Variants in TRAPPC9 observed in about 807,000 individuals in gnomAD.
The protein encoded by TRAPPC9 is IKK2 binding protein.
TRAPPC9 carries 83 observed loss-of-function variants against 124.0 expected under a neutral mutation model. The ratio of observed to expected loss-of-function variants is 0.67; its 90% CI spans 0.56 to 0.80. The LOEUF (loss-of-function observed/expected upper bound fraction) is 0.80, where lower values mean the gene tolerates loss of function less well. Among genes scored for constraint, TRAPPC9 ranks in the 30% least tolerant of loss-of-function variants. TRAPPC9 has a pLI of 0.00. For missense variants in TRAPPC9, 1,302 were observed against 1,508.3 expected, an observed-to-expected ratio of 0.86 and a Z score of 2.27; for synonymous variants, 638 against 617.5, an observed-to-expected ratio of 1.03 and a Z score of -0.49.
At chr8:139,736,558 C>A (rs1220234099) in intron 21 of TRAPPC9, among the ~76,000 whole-genome samples, 5 of 152,184 alleles carry the variant, frequency 3.3e-5, no homozygotes, top group African/African-American at 9.7e-5. Flanking sequence ...CGGGGCAGAG[C>A]AGAGGTCTGT....
chr8:139,967,587 G>A (rs1185792102), intron 19 of TRAPPC9, among the ~76,000 whole-genome samples: 2 of 152,226 alleles, frequency 1.3e-5, no homozygotes, highest in African/African-American at 4.8e-5. Flanking sequence ...TGCTGTGCAG[G>A]ACATGTGCAC....
chr8:139,988,670 G>A (rs769984876), intron 19 of TRAPPC9, 56 bp downstream of exon 19: 186 of 1,182,010 alleles, frequency 1.6e-4, no homozygotes, highest in Non-Finnish European at 2.1e-4. Context: ...CTCCCAAGCA[G>A]CGTGGTGAAG....
chr8:140,350,597 C>A lies in TRAPPC9; in HGVS notation c.1495+9453G>T, dbSNP rs187900992. ...GTTAAGACTGGGAAACGCAAAGCGG[C>A]GGGTATGATGCAGAAGAGCCGGGGG... On this transcript the variant is annotated intron_variant, in intron 9 of 22. Transcript: ENST00000438773. 8.8e-4 allele frequency among the ~76,000 whole-genome samples: 134 copies of A among 151,904 alleles called. 1 individual carries two copies. The highest frequency in any genetic ancestry group is 1.2e-3 in the Non-Finnish European group (79 of 67,976).
At chr8:139,803,345 A>G (rs1430538314) in intron 21 of TRAPPC9, among the ~76,000 whole-genome samples, 1 of 152,242 alleles carries the variant, frequency 6.6e-6, no homozygotes, top group Non-Finnish European at 1.5e-5. Context: ...CCTGCCCTCC[A>G]GCCCCGTGGG....
At chr8:140,318,796 G>A (rs1248012946) in intron 9 of TRAPPC9, among the ~76,000 whole-genome samples, 4 of 152,308 alleles carry the variant, frequency 2.6e-5, no homozygotes, top group Admixed American at 1.3e-4. Flanking sequence ...CAGCAATAAA[G>A]TTTAATGGGC....
At chr8:140,187,400 A>G (rs2062376837) in intron 17 of TRAPPC9, among the ~76,000 whole-genome samples, 1 of 152,112 alleles carries the variant, frequency 6.6e-6, no homozygotes. Flanking sequence ...GGGTTTTCGG[A>G]GTTGGGACGC....
intron 19 of TRAPPC9, among the ~76,000 whole-genome samples, chr8:139,938,445 C>A (rs1833684486): frequency 6.6e-6 from 1 of 151,572 alleles, no homozygotes; most frequent in South Asian, 2.1e-4. Context: ...CCACCATGCC[C>A]AGCTAATATT....
chr8:140,157,598 A>G (rs940763755), intron 17 of TRAPPC9, among the ~76,000 whole-genome samples: 3 of 152,266 alleles, frequency 2.0e-5, no homozygotes, highest in African/African-American at 7.2e-5. Context: ...AATTAAAATA[A>G]AAATCCAACT....
Position 139,852,028 on chromosome 8 carries a change from C to A in TRAPPC9, c.3055+33851G>T, listed in dbSNP as rs973931422. Among the ~76,000 whole-genome samples the A allele has an allele frequency of 2.0e-5, 3 of 152,238 alleles. No homozygotes were observed. In the East Asian group the frequency reaches 5.8e-4, roughly 29 times the overall value. ...TTCCCATGTGCTGTGGGAGAGTCCC[C>A]GTGGGAGGTAATTGAATCATGGGGG... On this transcript the variant is annotated intron_variant, in intron 21 of 22. Coordinates refer to ENST00000438773, the MANE Select transcript of TRAPPC9 (RefSeq NM_001160372.4).
intron 5 of TRAPPC9, among the ~76,000 whole-genome samples, chr8:140,412,856 T>C (rs901950680): frequency 6.6e-6 from 1 of 151,512 alleles, no homozygotes; most frequent in African/African-American, 2.4e-5. Flanking sequence ...CTAAAACATA[T>C]ACAACTGGGA....
intron 17 of TRAPPC9, among the ~76,000 whole-genome samples, chr8:140,202,799 T>C (rs930025084): frequency 6.6e-6 from 1 of 152,214 alleles, no homozygotes; most frequent in Non-Finnish European, 1.5e-5. Flanking sequence ...TCTAAGGTAA[T>C]GCAACCTGAA....
At chr8:139,834,207 G>C (rs1826180471) in intron 21 of TRAPPC9, among the ~76,000 whole-genome samples, 1 of 152,188 alleles carries the variant, frequency 6.6e-6, no homozygotes. Flanking sequence ...CTGGTGGTGT[G>C]GTTAGTGCCA....
chr8:140,272,131 G>A (rs756839268), intron 15 of TRAPPC9, among the ~76,000 whole-genome samples: 1,979 of 55,300 alleles, frequency 0.036, 23 homozygotes, highest in African/African-American at 0.13. Context: ...TGATGGTGGC[G>A]ATGGTGATGG....
intron 3 of TRAPPC9, 128 bp from the exon 4 acceptor site, chr8:140,435,368 A>T: frequency 7.5e-7 from 1 of 1,328,188 alleles, no homozygotes; most frequent in Non-Finnish European, 1.1e-6. Context: ...CAGGTGGATT[A>T]TTTGGAAATG....
rs540892672 is a variant in TRAPPC9 at position 140,272,417 on chromosome 8, G to C, written c.2278+3241C>G. Among the ~76,000 whole-genome samples, 7 of 148,614 alleles carry C rather than the reference G, an allele frequency of 4.7e-5. No individual in the cohort carries two copies. The East Asian group carries it at 1.2e-3, about 25-fold the overall frequency. ...GGTGGCGATGGTGATAATGGTGATG[G>C]TGATGGTGGTGATGGTAGTGATGGT... On this transcript the variant is annotated intron_variant, in intron 15 of 22. Coordinates refer to ENST00000438773, the MANE Select transcript of TRAPPC9 (RefSeq NM_001160372.4).
At chr8:140,106,621 G>C (rs186511409) in intron 17 of TRAPPC9, among the ~76,000 whole-genome samples, 17 of 152,222 alleles carry the variant, frequency 1.1e-4, no homozygotes, top group Non-Finnish European at 2.1e-4. Context: ...GTAGGACAGG[G>C]AAACACAAGC....
chr8:140,281,705 C>T (rs532156313), intron 14 of TRAPPC9, among the ~76,000 whole-genome samples: 1 of 152,296 alleles, frequency 6.6e-6, no homozygotes, highest in Non-Finnish European at 1.5e-5. Flanking sequence ...CTTTTATTTT[C>T]TTCTAAAAGT....
intron 16 of TRAPPC9, among the ~76,000 whole-genome samples, chr8:140,243,861 C>T (rs1000938812): frequency 2.6e-5 from 4 of 152,260 alleles, no homozygotes; most frequent in African/African-American, 7.2e-5. Flanking sequence ...GGCGGGGGCC[C>T]GCAACCCCTG....
chr8:140,216,030 T>G lies in TRAPPC9; in HGVS notation c.2556+5429A>C, dbSNP rs998563854. ...GCAGGATACAGAGGCGTTGGGACTCTGTCCACAGGTAAAATTCAGAAAAGC... is the reference window on the plus strand; with the variant it reads ...GCAGGATACAGAGGCGTTGGGACTCGGTCCACAGGTAAAATTCAGAAAAGC... On this transcript the variant is annotated intron_variant, in intron 17 of 22. Coordinates refer to ENST00000438773, the MANE Select transcript of TRAPPC9 (RefSeq NM_001160372.4). The surrounding 1 kb of genome is among the most constrained non-coding windows in gnomAD (Gnocchi z 4.1). 3 of 152,218 alleles carry G rather than the reference T, an allele frequency of 2.0e-5. No homozygotes were observed. The highest frequency in any genetic ancestry group is 4.8e-5 in the African/African-American group (2 of 41,448). The allele number at this position is 152,218 out of a possible 1,614,324, so 9.4% of individuals were successfully genotyped here.
Sources: gnomAD v4.1 joint callset for allele counts (sites outside exome capture counted in the v4.1 genomes callset) on GRCh38, gnomAD v4.1.1 for gene constraint, Gnocchi (gnomAD v3.1) non-coding constraint, MANE v1.5 for transcripts, NCBI Gene and HGNC (gene_info 2026-07-23, HGNC 2026-07-21) for gene names.